The following DLL1 variants were observed in gnomAD, a reference collection of about 807,000 sequenced individuals.
DLL1 encodes the protein delta-like protein 1.
In DLL1, 9 loss-of-function variants were observed where a neutral mutation model predicts 75.1. That is an observed-to-expected ratio of 0.12 (90% CI 0.07 to 0.21). The LOEUF (loss-of-function observed/expected upper bound fraction) is 0.21, where lower values mean the gene tolerates loss of function less well. DLL1 is among the 10% of genes least tolerant of loss of function. The pLI is 1.00. For synonymous variants in DLL1, 477 were observed against 418.3 expected, an observed-to-expected ratio of 1.14 and a Z score of -1.71; for missense variants, 837 against 1,007.6, an observed-to-expected ratio of 0.83 and a Z score of 2.29.
rs771880753 is a variant in DLL1, at chr6:170,288,405, G to A, written c.504C>T (p.Arg168=). 2 of 1,614,064 alleles carry A rather than the reference G, an allele frequency of 1.2e-6. No individual in the cohort carries two copies. The highest frequency in any genetic ancestry group is 2.2e-5 in the East Asian group (1 of 44,884). ...EWSQDLHSSG[R]TDLKYSYRFV... is the part of the protein sequence containing the mutation. Reference sequence around the variant, plus strand: ...AGCGGTAGGAGTACTTGAGGTCCGTGCGGCCGCTGCTGTGCAGGTCCTGGG... The same window carrying A: ...AGCGGTAGGAGTACTTGAGGTCCGTACGGCCGCTGCTGTGCAGGTCCTGGG... Residue 168 remains arginine, a synonymous_variant, in exon 4 of 11, where the codon CGC becomes CGT. Transcript: ENST00000366756.
chr6:170,288,139 C>T, intron 4 of DLL1, 100 bp downstream of exon 4: 3 of 1,567,204 alleles, frequency 1.9e-6, no homozygotes, highest in African/African-American at 1.4e-5. Flanking sequence ...ACCAGAACAT[C>T]TCTACAGTCC....
At position 170,288,478 on chromosome 6, in the gene DLL1, A is replaced by G; in HGVS notation, c.431T>C (p.Ile144Thr). 1 of 1,614,042 alleles carries G rather than the reference A, an allele frequency of 6.2e-7. No individual in the cohort carries two copies. Among genetic ancestry groups the G allele is most frequent in the Non-Finnish European group, 8.5e-7 (1 of 1,180,032 alleles). ...GTGCCTCTGGGTGGCCAGGCGGCTG[A>G]TGAGTCTTTCTGGGTTTTCTACGGG... is the stretch of plus-strand genomic sequence containing the variant. Reference protein sequence around the residue: ...DLATENPERLISRLATQRHLT... With the variant: ...DLATENPERLTSRLATQRHLT... The change falls in exon 4 of 11, where the codon ATC (isoleucine) becomes ACC (threonine). Residue 144 changes from isoleucine (I) to threonine (T), a missense_variant. By Grantham distance (89) the Ile-to-Thr change is moderately conservative (BLOSUM62 -1). Transcript: ENST00000366756.
chr6:170,289,328 G>T (rs773943407), intron 2 of DLL1, 184 bp downstream of exon 2: 29 of 1,020,340 alleles, frequency 2.8e-5, no homozygotes, highest in Non-Finnish European at 3.9e-5. Context: ...GCGGGGCCCC[G>T]GGGCGAGGTG....
Position 170,288,483 on chromosome 6 carries a change from T to C in DLL1, c.426A>G (p.Arg142=). The C allele has an allele frequency of 8.7e-6, 14 of 1,613,758 alleles. No individual in the cohort carries two copies. The highest frequency in any genetic ancestry group is 9.3e-6 in the Non-Finnish European group (11 of 1,179,998). The change falls in exon 4 of 11, where the codon AGA becomes AGG. Residue 142 remains arginine, a synonymous_variant. Transcript: ENST00000366756. ...PDDLATENPE[R]LISRLATQRH... ...TCTGGGTGGCCAGGCGGCTGATGAGTCTTTCTGGGTTTTCTACGGGGAGAA... is the reference window on the plus strand; with the variant it reads ...TCTGGGTGGCCAGGCGGCTGATGAGCCTTTCTGGGTTTTCTACGGGGAGAA...
chr6:170,285,480 G>A (rs1263536506), intron 6 of DLL1, 57 bp from the exon 7 acceptor site: 1 of 1,614,128 alleles, frequency 6.2e-7, no homozygotes, highest in Non-Finnish European at 8.5e-7. Flanking sequence ...TCAAATGCAG[G>A]AAGACTTTAT....
Position 170,289,497 on chromosome 6 carries a change from A to T in DLL1, c.351+15T>A, listed in dbSNP as rs1562498676. 1 of 1,528,978 alleles carries T rather than the reference A, an allele frequency of 6.5e-7. No homozygotes were observed. The highest frequency in any genetic ancestry group is 1.2e-5 in the South Asian group (1 of 83,660). The allele number at this position is 1,528,978 out of a possible 1,614,324, so 94.7% of individuals were successfully genotyped here. ...GCTTCAGGGCCGGCCCGGCGCGCGC[A>T]GGTGCGGCACTCACCGGCCAGGTGA... On this transcript the variant is annotated intron_variant, in intron 2 of 10. Transcript: ENST00000366756.
intron 4 of DLL1, among the ~76,000 whole-genome samples, chr6:170,287,777 C>T (rs958075463): frequency 2.0e-5 from 3 of 152,198 alleles, no homozygotes; most frequent in African/African-American, 7.2e-5. Context: ...GCGTTTGCTC[C>T]AGAGAGGTCA....
intron 4 of DLL1, among the ~76,000 whole-genome samples, chr6:170,287,155 G>C (rs1783720199): frequency 6.6e-6 from 1 of 152,150 alleles, no homozygotes; most frequent in African/African-American, 2.4e-5. Context: ...ACCAGTTCAG[G>C]CCAAGGCAAA....
chr6:170,288,869 G>T, intron 2 of DLL1, 80 bp from the exon 3 acceptor site: 1 of 1,519,216 alleles, frequency 6.6e-7, no homozygotes, highest in Non-Finnish European at 9.1e-7. Flanking sequence ...ATTCCTAACA[G>T]CCAGGTCAGC....
intron 4 of DLL1, among the ~76,000 whole-genome samples, chr6:170,286,647 AGT>A (rs1295465327): frequency 6.6e-6 from 1 of 152,002 alleles, no homozygotes; most frequent in Non-Finnish European, 1.5e-5. Flanking sequence ...TATCCCAGAA[AGT>A]GTGTGTGCAG....
rs766844450 is a variant in DLL1 at position 170,283,704 on chromosome 6, C to T, written c.1575G>A (p.Pro525=). 163 of 1,555,536 alleles carry T rather than the reference C, an allele frequency of 1.0e-4. No individual in the cohort carries two copies. Among genetic ancestry groups the T allele is most frequent in the Middle Eastern group, 3.4e-4 (2 of 5,904 alleles). Residue 525 remains proline (P), a synonymous_variant, in exon 9 of 11, where the codon CCG becomes CCA. Coordinates refer to ENST00000366756, the MANE Select transcript of DLL1 (RefSeq NM_005618.4). ...NCQFLLPELP[P]GPAVVDLTEK... is the part of the protein sequence containing the mutation. ...CAGTGAGGTCCACCACCGCTGGGCC[C>T]GGGGGCAGCTCGGGGAGCAGGAACT...
chr6:170,286,185 A>G (rs1432215436), intron 5 of DLL1, 53 bp downstream of exon 5: 120 of 1,611,244 alleles, frequency 7.4e-5, no homozygotes, highest in Non-Finnish European at 9.9e-5. Context: ...ACCAGCTGTG[A>G]AAAGATAACA....
Position 170,282,770 on chromosome 6 carries a change from G to A in DLL1, c.*104C>T. 1 of 1,586,500 alleles carries A rather than the reference G, an allele frequency of 6.3e-7. No individual in the cohort carries two copies. The highest frequency in any genetic ancestry group is 1.3e-5 in the African/African-American group (1 of 74,462). On this transcript the variant is annotated 3_prime_UTR_variant, in exon 11 of 11. Coordinates refer to ENST00000366756, the MANE Select transcript of DLL1 (RefSeq NM_005618.4). ...GTCTGAACTCGGTTTCTCAGCAGCA[G>A]TCCACGAGGCCTCCCTCCTCTTCAG...
chr6:170,288,929 C>A, intron 2 of DLL1, 140 bp from the exon 3 acceptor site: 1 of 856,784 alleles, frequency 1.2e-6, no homozygotes, highest in Non-Finnish European at 2.0e-6. Context: ...TGGAGAGGGT[C>A]TCCACGCACC....
chr6:170,284,737 C>T (rs1435550528), intron 8 of DLL1, among the ~76,000 whole-genome samples, 182 bp downstream of exon 8: 1 of 152,214 alleles, frequency 6.6e-6, no homozygotes, highest in Non-Finnish European at 1.5e-5. Flanking sequence ...AACAAATGCC[C>T]TGGCCTCTCT....
At chr6:170,285,476 G>A (rs1562496038) in intron 6 of DLL1, 53 bp from the exon 7 acceptor site, 2 of 1,614,160 alleles carry the variant, frequency 1.2e-6, no homozygotes, top group East Asian at 2.2e-5. Flanking sequence ...GACATCAAAT[G>A]CAGGAAGACT....
At chr6:170,287,586 T>C (rs570100194) in intron 4 of DLL1, among the ~76,000 whole-genome samples, 2 of 152,356 alleles carry the variant, frequency 1.3e-5, no homozygotes, top group Admixed American at 1.3e-4. Flanking sequence ...GTAGAGCCTC[T>C]GTCACTATTG....
intron 8 of DLL1, among the ~76,000 whole-genome samples, chr6:170,284,503 C>T (rs1345749551): frequency 6.6e-6 from 1 of 152,228 alleles, no homozygotes; most frequent in Admixed American, 6.5e-5. Context: ...CTCCTTTGGG[C>T]AGCCAGCCCC....
intron 9 of DLL1, 41 bp from the exon 10 acceptor site, chr6:170,283,146 A>G (rs1783600336): frequency 9.3e-6 from 15 of 1,613,576 alleles, no homozygotes; most frequent in African/African-American, 1.3e-5. Context: ...AATGCATGAG[A>G]ACATTTGGGA....
Sources: allele counts gnomAD v4.1 joint callset (sites outside exome capture counted in the v4.1 genomes callset), GRCh38; gene constraint gnomAD v4.1.1; transcripts MANE v1.5; gene names NCBI Gene and HGNC (gene_info 2026-07-23, HGNC 2026-07-21).